The following SSBP2 variants were observed in gnomAD, a reference collection of about 807,000 sequenced individuals.
SSBP2 encodes single stranded DNA binding protein 2, also known as single-stranded DNA-binding protein 2.
A neutral mutation model predicts 61.8 loss-of-function variants in SSBP2; 17 were observed. The observed-to-expected ratio is 0.28, with a 90% CI of 0.19 to 0.41. The LOEUF (loss-of-function observed/expected upper bound fraction) is 0.41, where lower values mean the gene tolerates loss of function less well. Among genes scored for constraint, SSBP2 ranks in the 10% least tolerant of loss-of-function variants. The pLI, the probability that SSBP2 is intolerant of heterozygous loss-of-function variation, is 1.00. For missense variants in SSBP2, 310 were observed against 458.7 expected, an observed-to-expected ratio of 0.68 and a Z score of 2.96; for synonymous variants, 139 against 141.3, an observed-to-expected ratio of 0.98 and a Z score of 0.12.
chr5:81,626,624 C>T (rs532256017), intron 3 of SSBP2, among the ~76,000 whole-genome samples: 14 of 152,200 alleles, frequency 9.2e-5, no homozygotes, highest in African/African-American at 9.7e-5. Context: ...ACAGCAAGCA[C>T]ATTGTTAGCC....
At chr5:81,492,666 AG>A (rs1766948977) in intron 5 of SSBP2, among the ~76,000 whole-genome samples, 1 of 151,948 alleles carries the variant, frequency 6.6e-6, no homozygotes, top group Admixed American at 6.6e-5. Context: ...ACTGGAAAAA[AG>A]CCTTCCCCAG....
At chr5:81,701,099 T>C (rs955596030) in intron 1 of SSBP2, among the ~76,000 whole-genome samples, 57 of 152,198 alleles carry the variant, frequency 3.7e-4, no homozygotes, top group African/African-American at 1.3e-3. Context: ...GGCTTAATCG[T>C]TTCTAGCTTT....
At chr5:81,503,738 C>T (rs561185795) in intron 5 of SSBP2, among the ~76,000 whole-genome samples, 3 of 152,238 alleles carry the variant, frequency 2.0e-5, no homozygotes, top group Non-Finnish European at 4.4e-5. Flanking sequence ...CCTAAATGCC[C>T]ATTAATGACA....
chr5:81,632,088 A>T (rs1418960218), intron 3 of SSBP2, among the ~76,000 whole-genome samples: 1 of 151,952 alleles, frequency 6.6e-6, no homozygotes, highest in African/African-American at 2.4e-5. Context: ...AAAACAAATT[A>T]TTTTTTTTCT....
intron 12 of SSBP2, among the ~76,000 whole-genome samples, chr5:81,445,666 G>T (rs1027738375): frequency 2.0e-5 from 3 of 151,880 alleles, no homozygotes; most frequent in Non-Finnish European, 4.4e-5. Flanking sequence ...AAATTGAAAG[G>T]GCTCAAAATT....
chr5:81,694,694 G>A (rs1753472032), intron 1 of SSBP2, among the ~76,000 whole-genome samples: 1 of 152,090 alleles, frequency 6.6e-6, no homozygotes, highest in Non-Finnish European at 1.5e-5. Context: ...TTCAAAGAAG[G>A]CTTGGTGTAG....
chr5:81,671,472 C>T (rs1332446052), intron 1 of SSBP2, among the ~76,000 whole-genome samples: 1 of 151,920 alleles, frequency 6.6e-6, no homozygotes. Flanking sequence ...GAATTTGTGG[C>T]AATATGGTCA....
intron 4 of SSBP2, among the ~76,000 whole-genome samples, chr5:81,600,633 C>T (rs1051655728): frequency 2.7e-5 from 4 of 149,574 alleles, no homozygotes; most frequent in South Asian, 2.1e-4. Context: ...ATAATTCTGG[C>T]GTTGTGATAA....
chr5:81,706,154 A>G (rs1754376657), intron 1 of SSBP2, among the ~76,000 whole-genome samples: 1 of 152,224 alleles, frequency 6.6e-6, no homozygotes, highest in Non-Finnish European at 1.5e-5. Flanking sequence ...AGCCATAAAA[A>G]AAGAGAACGA....
intron 1 of SSBP2, among the ~76,000 whole-genome samples, chr5:81,737,677 A>C (rs1756714491): frequency 6.6e-6 from 1 of 151,114 alleles, no homozygotes; most frequent in South Asian, 2.1e-4. Flanking sequence ...AGTCCCAGCT[A>C]CTCGAGAGGC....
rs557225839 is a variant in SSBP2 at position 81,572,360 on chromosome 5, G to A, written c.282+43113C>T. The stretch of plus-strand genomic sequence containing the variant: ...TTAAACCACAGGAATTATCCTATTG[G>A]AGAATACAATTCTCTTATAAGATGT... On this transcript the variant is annotated intron_variant, in intron 4 of 16. Transcript: ENST00000320672. Among the ~76,000 whole-genome samples the A allele has an allele frequency of 5.9e-5, 9 of 152,184 alleles. No homozygotes were observed. The East Asian group carries it at 1.5e-3, about 26-fold the overall frequency.
At chr5:81,631,195 A>T (rs1747675555) in intron 3 of SSBP2, among the ~76,000 whole-genome samples, 1 of 152,214 alleles carries the variant, frequency 6.6e-6, no homozygotes, top group Non-Finnish European at 1.5e-5. Context: ...GAACCGTTGG[A>T]ACAACTCTGA....
At position 81,422,246 on chromosome 5, in the gene SSBP2, G is replaced by A. The variant is rs191981890; in HGVS notation, c.1057-1713C>T. Among the ~76,000 whole-genome samples, 8 of 152,178 alleles carry A rather than the reference G, an allele frequency of 5.3e-5. No individual in the cohort carries two copies. The East Asian group carries it at 1.5e-3, about 29-fold the overall frequency. ...TGGCAGAAAGAGAATAAAATGAAGT[G>A]AATTATAGACAAGCTGAGACCGGCT... On this transcript the variant is annotated intron_variant, in intron 16 of 16. Transcript: ENST00000320672.
intron 1 of SSBP2, among the ~76,000 whole-genome samples, chr5:81,744,358 G>T (rs989364195): frequency 1.3e-5 from 2 of 151,950 alleles, no homozygotes; most frequent in Non-Finnish European, 2.9e-5. Context: ...CAAATAAAAG[G>T]AGAATCAGAC....
At chr5:81,665,298 T>C (rs1751019262) in intron 1 of SSBP2, among the ~76,000 whole-genome samples, 1 of 152,116 alleles carries the variant, frequency 6.6e-6, no homozygotes, top group South Asian at 2.1e-4. Flanking sequence ...AAAATGAAGG[T>C]AGAGGGCTAT....
intron 4 of SSBP2, among the ~76,000 whole-genome samples, chr5:81,609,108 G>A (rs1045811140): frequency 3.9e-5 from 6 of 152,258 alleles, no homozygotes; most frequent in East Asian, 1.9e-4. Flanking sequence ...TCCTAGGCAC[G>A]ATCTATGGCC....
At chr5:81,498,869 GA>G (rs1767489016) in intron 5 of SSBP2, among the ~76,000 whole-genome samples, 1 of 152,034 alleles carries the variant, frequency 6.6e-6, no homozygotes, top group Non-Finnish European at 1.5e-5. Context: ...CCATCTTTAA[GA>G]ATGTTCACAT....
chr5:81,751,046 T>A lies in SSBP2; in HGVS notation c.-4A>T. On this transcript the variant is annotated 5_prime_UTR_variant, in exon 1 of 17. Coordinates refer to ENST00000320672, the MANE Select transcript of SSBP2 (RefSeq NM_012446.5). Reference sequence around the variant, plus strand: ...TACTCTTGCCTTTGCCGTACATGCTTGTGCCGAGAGCAGCTCCCACTGTCA... The same window carrying A: ...TACTCTTGCCTTTGCCGTACATGCTAGTGCCGAGAGCAGCTCCCACTGTCA... 1 of 1,592,542 alleles carries A rather than the reference T, an allele frequency of 6.3e-7. No individual in the cohort carries two copies. Among genetic ancestry groups the A allele is most frequent in the Non-Finnish European group, 8.6e-7 (1 of 1,169,528 alleles).
chr5:81,433,121 T>C (rs1282107872), intron 15 of SSBP2, among the ~76,000 whole-genome samples: 1 of 151,892 alleles, frequency 6.6e-6, no homozygotes, highest in East Asian at 1.9e-4. Context: ...CAACAGCTCA[T>C]TGAGAACGGG....
Sources: allele counts gnomAD v4.1 joint callset (sites outside exome capture counted in the v4.1 genomes callset), GRCh38; gene constraint gnomAD v4.1.1; transcripts MANE v1.5; gene names NCBI Gene and HGNC (gene_info 2026-07-23, HGNC 2026-07-21).